Variants in PREP observed in about 807,000 individuals in gnomAD.
PREP encodes the protein dJ355L5.1 (prolyl endopeptidase).
A neutral mutation model predicts 87.6 loss-of-function variants in PREP; 29 were observed. The observed-to-expected ratio is 0.33, with a 90% CI of 0.25 to 0.45. PREP has a LOEUF of 0.45. Among genes scored for constraint, PREP ranks in the 20% least tolerant of loss-of-function variants. The probability of loss-of-function intolerance (pLI) is 1.00; values close to 1 mark genes in which losing one functional copy is unlikely to be tolerated. For missense variants in PREP, 695 were observed against 886.5 expected, an observed-to-expected ratio of 0.78 and a Z score of 2.74; for synonymous variants, 337 against 328.6, an observed-to-expected ratio of 1.03 and a Z score of -0.28.
At chr6:105,349,386 A>C (rs1307033855) in intron 7 of PREP, among the ~76,000 whole-genome samples, 1 of 152,230 alleles carries the variant, frequency 6.6e-6, no homozygotes, top group Non-Finnish European at 1.5e-5. Flanking sequence ...ATCGCATTTA[A>C]CTTTCAAGTT....
chr6:105,359,818 C>T (rs1772198552), intron 6 of PREP, among the ~76,000 whole-genome samples: 1 of 152,152 alleles, frequency 6.6e-6, no homozygotes, highest in African/African-American at 2.4e-5. Flanking sequence ...AAGGGCTCAC[C>T]TAGCTTGAGG....
rs1771247607 is a variant in PREP at position 105,328,983 on chromosome 6, G to A, written c.1059C>T (p.Tyr353=). The change falls in exon 9 of 15, where the codon TAC becomes TAT. Residue 353 remains tyrosine, a synonymous_variant. Transcript: ENST00000652536. The part of the protein sequence containing the change: ...CVRSNFLVLC[Y]LHDVKNILQL... ...GCAGAATGTTCTTGACGTCATGGAGGTAGCATAAGACCAAGAAGTTGGACC... is the reference window on the plus strand; with the variant it reads ...GCAGAATGTTCTTGACGTCATGGAGATAGCATAAGACCAAGAAGTTGGACC... 3 of 1,613,990 alleles carry A rather than the reference G, an allele frequency of 1.9e-6. No individual in the cohort carries two copies. In the Admixed American group the frequency reaches 5.0e-5, roughly 27 times the overall value.
At chr6:105,382,514 TA>T (rs1453506449) in intron 2 of PREP, among the ~76,000 whole-genome samples, 1 of 152,156 alleles carries the variant, frequency 6.6e-6, no homozygotes, top group Non-Finnish European at 1.5e-5. Flanking sequence ...AAGTGTAAAT[TA>T]AAAATACTGT....
At chr6:105,308,173 C>G (rs1770691111) in intron 10 of PREP, among the ~76,000 whole-genome samples, 1 of 151,830 alleles carries the variant, frequency 6.6e-6, no homozygotes, top group Non-Finnish European at 1.5e-5. Flanking sequence ...ATGAAAGAAG[C>G]TATTTTTTAA....
Position 105,373,404 on chromosome 6 carries a change from T to C in PREP, c.560A>G (p.Tyr187Cys). The C allele has an allele frequency of 6.2e-7, 1 of 1,614,230 alleles. No individual in the cohort carries two copies. The highest frequency in any genetic ancestry group is 8.5e-7 in the Non-Finnish European group (1 of 1,180,030). Residue 187 changes from tyrosine (Y) to cysteine (C), a missense_variant, in exon 5 of 15, where the codon TAC becomes TGC. This residue lies in a region of PREP where 517 missense variants were observed against 620.3 expected (regional missense o/e 0.83). Transcript: ENST00000652536. ...AWTHDGKGMF[Y>C]NSYPQQDGKS... ...TCCATCCTGTTGAGGGTATGAGTTG[T>C]AGAACATTCCCTTCCCATCATGGGT...
At position 105,277,635 on chromosome 6, in the gene PREP, A is replaced by G. The variant is rs1193986127; in HGVS notation, c.*509T>C. 6.4e-6 allele frequency: 1 copy of G among 155,286 alleles called. No homozygotes were observed. Among genetic ancestry groups the G allele is most frequent in the Non-Finnish European group, 1.4e-5 (1 of 69,900 alleles). 9.6% of individuals were successfully genotyped at this position (155,286 alleles called of 1,614,324 possible). ...AACTGCTTGAAAACTAACTTGTTGC[A>G]GAAAGGTGAAATGCTTTATTCTCAC... is the stretch of plus-strand genomic sequence containing the variant. On this transcript the variant is annotated 3_prime_UTR_variant, in exon 15 of 15. Transcript: ENST00000652536.
intron 5 of PREP, among the ~76,000 whole-genome samples, chr6:105,371,075 C>T (rs1772528067): frequency 6.6e-6 from 1 of 152,196 alleles, no homozygotes; most frequent in African/African-American, 2.4e-5. Flanking sequence ...ATGTACCACT[C>T]TGGTGGGGAA....
chr6:105,340,299 A>G (rs192170305), intron 7 of PREP, among the ~76,000 whole-genome samples: 14 of 152,330 alleles, frequency 9.2e-5, no homozygotes, highest in Admixed American at 7.8e-4. Context: ...ACTAAGCTTC[A>G]TAAGTGAAGG....
chr6:105,382,626 T>C (rs1156233635), intron 2 of PREP, among the ~76,000 whole-genome samples: 1 of 151,528 alleles, frequency 6.6e-6, no homozygotes. Flanking sequence ...AACACTACAA[T>C]GTGCACCATG....
At chr6:105,296,709 A>G (rs1372297836) in intron 10 of PREP, among the ~76,000 whole-genome samples, 3 of 152,052 alleles carry the variant, frequency 2.0e-5, no homozygotes, top group African/African-American at 7.2e-5. Flanking sequence ...CAATCCCTAT[A>G]TGGCAACTGC....
intron 2 of PREP, among the ~76,000 whole-genome samples, chr6:105,380,407 A>G (rs1772806778): frequency 6.6e-6 from 1 of 152,208 alleles, no homozygotes; most frequent in South Asian, 2.1e-4. Flanking sequence ...TCGATCTCTC[A>G]TCGAAGTGCA....
Position 105,377,370 on chromosome 6 carries a change from G to A in PREP, c.254+16C>T, listed in dbSNP as rs1289800511. 1.3e-6 allele frequency: 2 copies of A among 1,583,186 alleles called. No homozygotes were observed. The highest frequency in any genetic ancestry group is 1.7e-6 in the Non-Finnish European group (2 of 1,169,148). ...ACTTTGAAAATAAAAAGGAAATTCAGTAAAAGCAGTCTCACCGTTTTCCTT... is the reference window on the plus strand; with the variant it reads ...ACTTTGAAAATAAAAAGGAAATTCAATAAAAGCAGTCTCACCGTTTTCCTT... On this transcript the variant is annotated intron_variant, in intron 3 of 14. Coordinates refer to ENST00000652536, the MANE Select transcript of PREP (RefSeq NM_002726.5).
At chr6:105,398,816 A>T (rs1583111389) in intron 1 of PREP, among the ~76,000 whole-genome samples, 1 of 152,142 alleles carries the variant, frequency 6.6e-6, no homozygotes, top group African/African-American at 2.4e-5. Flanking sequence ...ATCAAGATTA[A>T]CCCCATTAGG....
At chr6:105,310,708 C>T (rs1397055851) in intron 10 of PREP, among the ~76,000 whole-genome samples, 1 of 152,192 alleles carries the variant, frequency 6.6e-6, no homozygotes, top group Non-Finnish European at 1.5e-5. Context: ...CCTGAGCCTT[C>T]TCCACTCTTT....
At chr6:105,388,119 G>T (rs902183396) in intron 2 of PREP, among the ~76,000 whole-genome samples, 2 of 152,162 alleles carry the variant, frequency 1.3e-5, no homozygotes, top group Non-Finnish European at 2.9e-5. Flanking sequence ...AAGTGGAGCA[G>T]GTAGCTGTGC....
At chr6:105,337,469 C>A (rs1161854788) in intron 7 of PREP, among the ~76,000 whole-genome samples, 1 of 152,196 alleles carries the variant, frequency 6.6e-6, no homozygotes, top group Admixed American at 6.5e-5. Context: ...TCCCCGACCC[C>A]TCCTAGTGCC....
At chr6:105,307,066 T>C (rs1279602285) in intron 10 of PREP, among the ~76,000 whole-genome samples, 2 of 152,224 alleles carry the variant, frequency 1.3e-5, no homozygotes, top group Non-Finnish European at 2.9e-5. Flanking sequence ...GCAATTCTAC[T>C]AACCTGTAAA....
At chr6:105,322,311 GATTA>G in intron 10 of PREP, 1 of 915,004 alleles carries the variant, frequency 1.1e-6, no homozygotes, top group Non-Finnish European at 1.3e-6. Flanking sequence ...GAAAAAAATA[GATTA>G]TATTCTATTG....
intron 7 of PREP, among the ~76,000 whole-genome samples, chr6:105,337,323 C>T (rs1003160198): frequency 3.3e-5 from 5 of 152,188 alleles, no homozygotes; most frequent in Non-Finnish European, 4.4e-5. Flanking sequence ...TTTCTTGCCT[C>T]TTGGGATGCA....
Sources: gnomAD v4.1 joint callset for allele counts (sites outside exome capture counted in the v4.1 genomes callset) on GRCh38, gnomAD v4.1.1 for gene constraint, gnomAD v4.1.1 regional missense constraint, MANE v1.5 for transcripts, NCBI Gene and HGNC (gene_info 2026-07-23, HGNC 2026-07-21) for gene names.